The following ANO10 variants were observed in gnomAD, a reference collection of about 807,000 sequenced individuals.
ANO10 encodes anoctamin 10.
ANO10 carries 77 observed loss-of-function variants against 74.7 expected under a neutral mutation model. That is an observed-to-expected ratio of 1.03 (90% confidence interval 0.86 to 1.25). The LOEUF (loss-of-function observed/expected upper bound fraction) is 1.25. Ranked by LOEUF, ANO10 falls within the 50% of genes most tolerant of loss-of-function variation. The pLI, the probability that ANO10 is intolerant of heterozygous loss-of-function variation, is 0.00. For missense variants in ANO10, 721 were observed against 778.1 expected, an observed-to-expected ratio of 0.93 and a Z score of 0.87; for synonymous variants, 279 against 284.9, an observed-to-expected ratio of 0.98 and a Z score of 0.21.
At chr3:43,516,641 C>T (rs1476592308) in intron 11 of ANO10, among the ~76,000 whole-genome samples, 1 of 152,152 alleles carries the variant, frequency 6.6e-6, no homozygotes, top group Non-Finnish European at 1.5e-5. Context: ...TAGTGAGGTG[C>T]TTACTGAAAT....
chr3:43,669,296 C>G (rs1210191409), intron 1 of ANO10, among the ~76,000 whole-genome samples: 1 of 152,144 alleles, frequency 6.6e-6, no homozygotes, highest in Admixed American at 6.5e-5. Flanking sequence ...CTTTTCCCTG[C>G]TGATGGAGAC....
chr3:43,566,520 C>G (rs976717128), intron 7 of ANO10, among the ~76,000 whole-genome samples: 1 of 151,664 alleles, frequency 6.6e-6, no homozygotes, highest in African/African-American at 2.4e-5. Context: ...TCAAGTGGGT[C>G]CCTGACCCCT....
chr3:43,514,025 T>C (rs1228253890), intron 11 of ANO10, among the ~76,000 whole-genome samples: 1 of 150,590 alleles, frequency 6.6e-6, no homozygotes, highest in Non-Finnish European at 1.5e-5. Context: ...AGAAATAGCA[T>C]ATTATAATTT....
chr3:43,396,437 C>G (rs2092383164), intron 12 of ANO10, among the ~76,000 whole-genome samples: 1 of 152,164 alleles, frequency 6.6e-6, no homozygotes, highest in Admixed American at 6.5e-5. Flanking sequence ...CTCCCAAGTT[C>G]ATGCCATTCT....
chr3:43,460,507 G>A (rs377363699), intron 11 of ANO10, among the ~76,000 whole-genome samples: 1 of 152,178 alleles, frequency 6.6e-6, no homozygotes, highest in African/African-American at 2.4e-5. Flanking sequence ...TGGGGGATGG[G>A]CAGTGTATTC....
At chr3:43,690,950 A>G in intron 1 of ANO10, 1 of 1,546,752 alleles carries the variant, frequency 6.5e-7, no homozygotes, top group Non-Finnish European at 8.7e-7. Context: ...TCGGCCTGTC[A>G]GCCGGCTTCG....
At chr3:43,643,440 C>T (rs1273233339) in intron 1 of ANO10, among the ~76,000 whole-genome samples, 1 of 151,832 alleles carries the variant, frequency 6.6e-6, no homozygotes, top group Admixed American at 6.6e-5. Flanking sequence ...GGGTTTGTTC[C>T]ATTTTGCATT....
At chr3:43,461,287 G>A (rs1431127139) in intron 11 of ANO10, among the ~76,000 whole-genome samples, 1 of 151,966 alleles carries the variant, frequency 6.6e-6, no homozygotes, top group Non-Finnish European at 1.5e-5. Context: ...AAACAAATAA[G>A]GAACAAAATT....
At chr3:43,655,667 TAC>T (rs1379900848) in intron 1 of ANO10, among the ~76,000 whole-genome samples, 1 of 152,146 alleles carries the variant, frequency 6.6e-6, no homozygotes, top group African/African-American at 2.4e-5. Context: ...ATCAGTTAGA[TAC>T]AGAGTATGGA....
chr3:43,392,584 C>T (rs1416774595), intron 12 of ANO10, among the ~76,000 whole-genome samples: 2 of 152,220 alleles, frequency 1.3e-5, no homozygotes, highest in Non-Finnish European at 2.9e-5. Flanking sequence ...CATTGCTGCT[C>T]ACACACGTGT....
At position 43,647,093 on chromosome 3, in the gene ANO10, A is replaced by C. The variant is rs1442247397; in HGVS notation, c.-11-41230T>G. Reference sequence around the variant, plus strand: ...CTTTGATTTATGGGTCCAGTCCAGAAGACTGGATGTATTAGTGTGGATTCT... The same window carrying C: ...CTTTGATTTATGGGTCCAGTCCAGACGACTGGATGTATTAGTGTGGATTCT... On this transcript the variant is annotated intron_variant, in intron 1 of 3. Transcript: ENST00000413397. Among the ~76,000 whole-genome samples the C allele has an allele frequency of 4.6e-5, 7 of 151,630 alleles. No individual in the cohort carries two copies. In the East Asian group the frequency reaches 1.4e-3, roughly 29 times the overall value.
chr3:43,505,074 C>G (rs2077243852), intron 11 of ANO10, among the ~76,000 whole-genome samples: 1 of 152,158 alleles, frequency 6.6e-6, no homozygotes, highest in Non-Finnish European at 1.5e-5. Flanking sequence ...CTCTGATTTG[C>G]TTTACTAAAA....
chr3:43,406,197 C>A (rs1042011038), intron 12 of ANO10, among the ~76,000 whole-genome samples: 1 of 152,174 alleles, frequency 6.6e-6, no homozygotes, highest in African/African-American at 2.4e-5. Context: ...TCTTCCAGCA[C>A]CTCGGGAACA....
At chr3:43,541,177 T>C (rs1437117364) in intron 11 of ANO10, among the ~76,000 whole-genome samples, 1 of 152,246 alleles carries the variant, frequency 6.6e-6, no homozygotes, top group African/African-American at 2.4e-5. Context: ...TGTTGTGGGC[T>C]CCTTTGTAGG....
At chr3:43,386,534 G>C (rs1037460478) in intron 12 of ANO10, among the ~76,000 whole-genome samples, 2 of 152,254 alleles carry the variant, frequency 1.3e-5, no homozygotes, top group South Asian at 2.1e-4. Context: ...TGTGTGCTGG[G>C]TCTCTGCAGG....
chr3:43,428,787 T>G (rs1440956183), intron 12 of ANO10, among the ~76,000 whole-genome samples: 1 of 42,410 alleles, frequency 2.4e-5, no homozygotes, highest in East Asian at 5.0e-4. Flanking sequence ...TCCTGAAACT[T>G]TGTGAATGCA....
intron 11 of ANO10, among the ~76,000 whole-genome samples, chr3:43,529,409 C>T (rs992743764): frequency 1.3e-5 from 2 of 152,132 alleles, no homozygotes; most frequent in Non-Finnish European, 2.9e-5. Context: ...AGCATCTATA[C>T]CATTTGGGAT....
chr3:43,370,467 C>A (rs4339089), intron 12 of ANO10, among the ~76,000 whole-genome samples: 148,988 of 151,892 alleles, frequency 0.98, 73,123 homozygotes, highest in East Asian at 1. Flanking sequence ...GCTCTGGCTG[C>A]GTGGGCTGGG....
intron 1 of ANO10, among the ~76,000 whole-genome samples, chr3:43,652,028 C>T (rs1340043945): frequency 6.6e-6 from 1 of 151,740 alleles, no homozygotes; most frequent in Non-Finnish European, 1.5e-5. Context: ...ATTCCATGTT[C>T]TTGGGTCAGA....
Sources: gnomAD v4.1 joint callset for allele counts (sites outside exome capture counted in the v4.1 genomes callset) on GRCh38, gnomAD v4.1.1 for gene constraint, MANE v1.5 for transcripts, NCBI Gene and HGNC (gene_info 2026-07-23, HGNC 2026-07-21) for gene names.